The following PDE4D variants were observed in gnomAD, a reference collection of about 807,000 sequenced individuals.
PDE4D encodes the protein 3',5'-cyclic-AMP phosphodiesterase 4D.
In PDE4D, 24 loss-of-function variants were observed where a neutral mutation model predicts 87.4. That is an observed-to-expected ratio of 0.27 (90% CI 0.20 to 0.39). The LOEUF (loss-of-function observed/expected upper bound fraction) is 0.39, where lower values mean the gene tolerates loss of function less well. Among genes scored for constraint, PDE4D ranks in the 10% least tolerant of loss-of-function variants. PDE4D has a pLI of 1.00. For synonymous variants in PDE4D, 384 were observed against 383.2 expected (o/e 1.00, Z -0.02); for missense variants, 714 against 1,041.0 (o/e 0.69, Z 4.32).
intron 1 of PDE4D, among the ~76,000 whole-genome samples, chr5:60,338,545 C>T (rs1299771451): frequency 6.6e-6 from 1 of 152,124 alleles, no homozygotes; most frequent in Non-Finnish European, 1.5e-5. Flanking sequence ...CCAGAATGCA[C>T]AGGGAGGTAA....
chr5:59,917,370 TG>T (rs572226608), intron 3 of PDE4D, among the ~76,000 whole-genome samples: 95 of 152,214 alleles, frequency 6.2e-4, no homozygotes, highest in African/African-American at 2.1e-3. Context: ...AGAGAGTCTA[TG>T]GATCAACACA....
At chr5:60,033,635 G>A (rs781141503) in intron 2 of PDE4D, among the ~76,000 whole-genome samples, 3 of 152,172 alleles carry the variant, frequency 2.0e-5, no homozygotes, top group Non-Finnish European at 4.4e-5. Context: ...CAACTGAAGT[G>A]TAAATATGCC....
At chr5:59,555,716 T>C (rs182383834) in intron 1 of PDE4D, among the ~76,000 whole-genome samples, 250 of 152,178 alleles carry the variant, frequency 1.6e-3, no homozygotes, top group African/African-American at 5.4e-3. Flanking sequence ...ATTCAACCCT[T>C]TAGGGACTCA....
chr5:60,345,576 A>AC (rs1758686687), intron 1 of PDE4D, among the ~76,000 whole-genome samples: 1 of 151,916 alleles, frequency 6.6e-6, no homozygotes. Flanking sequence ...CAAAAAAAAA[A>AC]AAAAATTAAC....
At chr5:59,997,226 A>G (rs1185241363) in intron 2 of PDE4D, among the ~76,000 whole-genome samples, 1 of 152,196 alleles carries the variant, frequency 6.6e-6, no homozygotes, top group Non-Finnish European at 1.5e-5. Flanking sequence ...CTTCACAGTT[A>G]CATACAGTAA....
At position 60,431,854 on chromosome 5, in the gene PDE4D, C is replaced by T. The variant is rs184696011; in HGVS notation, c.-90+56088G>A. On this transcript the variant is annotated intron_variant, in intron 1 of 16. Coordinates refer to the PDE4D transcript ENST00000502484. ...GGGAGGCCGAGGCTGGCAGATCACT[C>T]GCGGTTAGGAGCTGGAGACCAGCCC... Among the ~76,000 whole-genome samples, 1,013 of 152,328 alleles carry T rather than the reference C, an allele frequency of 6.7e-3. 11 individuals carry two copies. The highest frequency in any genetic ancestry group is 0.023 in the African/African-American group (957 of 41,582).
chr5:58,990,666 A>G (rs1255846287), intron 9 of PDE4D, 138 bp downstream of exon 9: 1 of 528,918 alleles, frequency 1.9e-6, no homozygotes, highest in African/African-American at 1.9e-5. Flanking sequence ...GTCCCTTGGC[A>G]AAGGAGCAAA....
intron 1 of PDE4D, among the ~76,000 whole-genome samples, chr5:60,353,030 C>T (rs951630724): frequency 3.9e-5 from 6 of 152,108 alleles, no homozygotes; most frequent in Admixed American, 1.3e-4. Context: ...ACATTTAAGA[C>T]ATATAATTAA....
chr5:59,180,697 G>T, intron 4 of PDE4D, 53 bp from the exon 5 acceptor site: 1 of 1,481,086 alleles, frequency 6.8e-7, no homozygotes, highest in South Asian at 1.2e-5. Flanking sequence ...TTATTGATTT[G>T]ATCACTCTCT....
chr5:59,320,950 A>C (rs1774617568), intron 1 of PDE4D, among the ~76,000 whole-genome samples: 2 of 152,098 alleles, frequency 1.3e-5, no homozygotes, highest in East Asian at 3.9e-4. Flanking sequence ...TCTATTGATA[A>C]ATTTGTTTAT....
In PDE4D at chr5:59,966,998, C is replaced by G. The variant is rs897120622; in HGVS notation, c.272+21490G>C. On this transcript the variant is annotated intron_variant, in intron 3 of 16. Transcript: ENST00000502484. ...CATTTAGCCCCAAATATATAATTTCCTAATTGGTAAATTAAACTACAGGTG... is the reference window on the plus strand; with the variant it reads ...CATTTAGCCCCAAATATATAATTTCGTAATTGGTAAATTAAACTACAGGTG... Among the ~76,000 whole-genome samples, 6 of 152,272 alleles carry G rather than the reference C, an allele frequency of 3.9e-5. No individual in the cohort carries two copies. In the East Asian group the frequency reaches 9.6e-4, roughly 24 times the overall value.
rs75473730 is a variant in PDE4D, at chr5:59,606,744, C to T, written c.455+286424G>A. On this transcript the variant is annotated intron_variant, in intron 1 of 14. Transcript: ENST00000340635. Reference sequence around the variant, plus strand: ...GCTCAATACTTGACTTGCCTTTCCTCATTTAATCTTCCACAAAAGTACTAC... The same window carrying T: ...GCTCAATACTTGACTTGCCTTTCCTTATTTAATCTTCCACAAAAGTACTAC... Among the ~76,000 whole-genome samples the T allele has an allele frequency of 4.2e-3, 642 of 152,230 alleles. 28 individuals are homozygous for T. In the East Asian group the frequency reaches 0.098, roughly 23 times the overall value.
At chr5:60,033,871 T>A (rs1309597331) in intron 2 of PDE4D, among the ~76,000 whole-genome samples, 1 of 152,168 alleles carries the variant, frequency 6.6e-6, no homozygotes, top group African/African-American at 2.4e-5. Context: ...TGCTCTCAGT[T>A]TTTTCTCCAA....
chr5:59,250,948 A>G (rs1165598450), intron 1 of PDE4D, among the ~76,000 whole-genome samples: 1 of 152,192 alleles, frequency 6.6e-6, no homozygotes, highest in African/African-American at 2.4e-5. Flanking sequence ...TATTCAATAA[A>G]TGGTGCTGGG....
intron 1 of PDE4D, among the ~76,000 whole-genome samples, chr5:59,474,547 G>C (rs1802989517): frequency 6.6e-6 from 1 of 152,026 alleles, no homozygotes; most frequent in African/African-American, 2.4e-5. Context: ...GAAAGTTCAG[G>C]CAACCTGTGA....
intron 1 of PDE4D, among the ~76,000 whole-genome samples, chr5:59,310,245 C>T (rs1401059622): frequency 6.6e-6 from 1 of 152,170 alleles, no homozygotes; most frequent in East Asian, 1.9e-4. Flanking sequence ...TATTATGCTT[C>T]CTTTTTTTCT....
intron 2 of PDE4D, among the ~76,000 whole-genome samples, chr5:60,022,261 T>C (rs1014920438): frequency 1.3e-5 from 2 of 152,150 alleles, no homozygotes; most frequent in African/African-American, 4.8e-5. Context: ...AACGTTTTTG[T>C]AGATGGACTC....
At chr5:60,425,372 A>G (rs1743599760) in intron 1 of PDE4D, among the ~76,000 whole-genome samples, 1 of 152,188 alleles carries the variant, frequency 6.6e-6, no homozygotes, top group African/African-American at 2.4e-5. Context: ...CCTCAGAAAT[A>G]ACACCACACA....
At chr5:59,142,820 G>A (rs964429669) in intron 5 of PDE4D, among the ~76,000 whole-genome samples, 3 of 152,190 alleles carry the variant, frequency 2.0e-5, no homozygotes, top group Non-Finnish European at 2.9e-5. Flanking sequence ...GGGAGGCTGA[G>A]GCAGGAGAAT....
Sources: gnomAD v4.1 joint callset for allele counts (sites outside exome capture counted in the v4.1 genomes callset) on GRCh38, gnomAD v4.1.1 for gene constraint, MANE v1.5 for transcripts, NCBI Gene and HGNC (gene_info 2026-07-23, HGNC 2026-07-21) for gene names.